SLC25A22: variants seen among roughly 807,000 people sequenced by gnomAD.
The protein encoded by SLC25A22 is solute carrier family 25 member 22, also known as mitochondrial glutamate carrier 1.
Under a neutral mutation model 33.7 loss-of-function variants are expected in SLC25A22, and 23 were observed. That is an observed-to-expected ratio of 0.68 (90% confidence interval 0.49 to 0.97). The LOEUF (loss-of-function observed/expected upper bound fraction) is 0.97, where lower values mean the gene tolerates loss of function less well. Ranked by LOEUF, SLC25A22 falls within the 50% of genes least tolerant of loss-of-function variation. The probability of loss-of-function intolerance (pLI) is 0.00; values close to 1 mark genes in which losing one functional copy is unlikely to be tolerated. For missense variants in SLC25A22, 390 were observed against 451.1 expected (o/e 0.86, Z 1.23); for synonymous variants, 245 against 203.8 (o/e 1.20, Z -1.72).
At chr11:796,286 T>C (rs1173306594) in intron 1 of SLC25A22, 4 of 139,236 alleles carry the variant, frequency 2.9e-5, no homozygotes, top group Non-Finnish European at 6.3e-5. Context: ...GCCGCAGGGA[T>C]TGGCCGTGGG....
rs775147140 is a variant in SLC25A22 at position 792,331 on chromosome 11, C to T, written c.715G>A (p.Ala239Thr). ...TCACAGGGGTTGACGGCCACAGCGG[C>T]GGCACTCCCAGCCACACAGCCGGCC... is the stretch of plus-strand genomic sequence containing the variant. Reference protein sequence around the residue: ...FLAGCVAGSAAAVAVNPCDVV... With the variant: ...FLAGCVAGSATAVAVNPCDVV... Residue 239 changes from alanine to threonine, a missense_variant, in exon 8 of 10, where the codon GCC (alanine) becomes ACC (threonine). Ala to Thr is a moderately conservative substitution (Grantham distance 58). Coordinates refer to ENST00000628067, the MANE Select transcript of SLC25A22 (RefSeq NM_001191061.2). The T allele has an allele frequency of 9.9e-6, 16 of 1,613,108 alleles. 1 individual carries two copies. In the South Asian group the frequency reaches 1.1e-4, roughly 11 times the overall value.
Sources: allele counts gnomAD v4.1 joint callset, GRCh38; gene constraint gnomAD v4.1.1; transcripts MANE v1.5; gene names NCBI Gene and HGNC (gene_info 2026-07-23, HGNC 2026-07-21).